WIPF1: variants seen among roughly 807,000 people sequenced by gnomAD.
WIPF1 encodes the protein WAS/WASL-interacting protein family member 1.
In WIPF1, 13 loss-of-function variants were observed where a neutral mutation model predicts 35.4. That is an observed-to-expected ratio of 0.37 (90% CI 0.24 to 0.58). The LOEUF is 0.58. WIPF1 is among the 20% of genes least tolerant of loss of function. The probability of loss-of-function intolerance (pLI) is 0.74; values close to 1 mark genes in which losing one functional copy is unlikely to be tolerated. For missense variants in WIPF1, 591 were observed against 667.0 expected (o/e 0.89, Z 1.25); for synonymous variants, 267 against 266.3 (o/e 1.00, Z -0.02).
chr2:174,573,959 G>A (rs906475068), intron 4 of WIPF1, among the ~76,000 whole-genome samples: 5 of 149,786 alleles, frequency 3.3e-5, no homozygotes, highest in Non-Finnish European at 7.4e-5. Flanking sequence ...GTGCAATCAC[G>A]GCTCATTGCA....
chr2:174,568,847 T>G (rs1249404898), intron 5 of WIPF1: 1 of 152,128 alleles, frequency 6.6e-6, no homozygotes, highest in Non-Finnish European at 1.5e-5. Context: ...AAATAAAAAA[T>G]ACTATGTAAG....
rs940368701 is a variant in WIPF1 at position 174,647,209 on chromosome 2, A to G, written c.-39+35565T>C. On this transcript the variant is annotated intron_variant, in intron 1 of 8. Coordinates refer to the WIPF1 transcript ENST00000272746. ...CAGCAGAGCGACATCCTGTCTCCAA[A>G]ACATTTTTTTTTTTTTTAATTAGCC... Among the ~76,000 whole-genome samples the G allele has an allele frequency of 2.6e-5, 4 of 151,968 alleles. No individual in the cohort carries two copies. In the South Asian group the frequency reaches 8.3e-4, roughly 32 times the overall value.
chr2:174,682,743 C>T (rs1425035268), intron 1 of WIPF1: 1 of 151,688 alleles, frequency 6.6e-6, no homozygotes, highest in Non-Finnish European at 1.5e-5. Context: ...GCCCGGAACC[C>T]GGGTCGCGCC....
chr2:174,666,009 AGTGGCTCATGCCTGTAAT>A (rs1329117910), intron 1 of WIPF1, among the ~76,000 whole-genome samples: 1 of 152,222 alleles, frequency 6.6e-6, no homozygotes, highest in Non-Finnish European at 1.5e-5. Flanking sequence ...GGCCAGGTGC[AGTGGCTCATGCCTGTAAT>A]CCTAGCACTT....
At chr2:174,662,060 T>C (rs1324181054) in intron 1 of WIPF1, among the ~76,000 whole-genome samples, 1 of 152,286 alleles carries the variant, frequency 6.6e-6, no homozygotes, top group South Asian at 2.1e-4. Context: ...TCCATACATA[T>C]GTGGGGTTGG....
chr2:174,616,381 G>A (rs1432170367), intron 1 of WIPF1, among the ~76,000 whole-genome samples: 3 of 152,158 alleles, frequency 2.0e-5, no homozygotes, highest in Non-Finnish European at 4.4e-5. Context: ...TCACGAGACA[G>A]GGAGGCCTCG....
At chr2:174,577,621 T>G (rs1250691504) in intron 3 of WIPF1, among the ~76,000 whole-genome samples, 1 of 152,162 alleles carries the variant, frequency 6.6e-6, no homozygotes, top group Non-Finnish European at 1.5e-5. Context: ...ATGGATAGAC[T>G]TTCTAACATT....
chr2:174,568,604 T>C (rs1684739987), intron 5 of WIPF1: 1 of 152,842 alleles, frequency 6.5e-6, no homozygotes, highest in Non-Finnish European at 1.5e-5. Context: ...GGAAACCAAA[T>C]ACCAGTCATC....
At chr2:174,678,582 A>C (rs1559180783) in intron 1 of WIPF1, among the ~76,000 whole-genome samples, 1 of 152,342 alleles carries the variant, frequency 6.6e-6, no homozygotes. Flanking sequence ...CCTGGGGCCA[A>C]GTGTTATTGG....
At chr2:174,565,208 T>C (rs1450147323) in intron 7 of WIPF1, among the ~76,000 whole-genome samples, 1 of 152,180 alleles carries the variant, frequency 6.6e-6, no homozygotes, top group Non-Finnish European at 1.5e-5. Flanking sequence ...ACTAAAAATT[T>C]CAATCATCAA....
intron 1 of WIPF1, among the ~76,000 whole-genome samples, chr2:174,627,972 G>C (rs181775171): frequency 6.6e-6 from 1 of 152,134 alleles, no homozygotes; most frequent in African/African-American, 2.4e-5. Context: ...AGAGGCTGCT[G>C]TTTACCCTGA....
chr2:174,641,656 T>C (rs1687296059), intron 1 of WIPF1, among the ~76,000 whole-genome samples: 1 of 152,190 alleles, frequency 6.6e-6, no homozygotes, highest in Admixed American at 6.5e-5. Context: ...TTGGCTACTC[T>C]AAATACTATT....
At position 174,571,375 on chromosome 2, in the gene WIPF1, A is replaced by AT. The variant is rs1299263868; in HGVS notation, c.1129+300_1129+301insA. ...AGGGAGGCAGGGTAGTGGACTGGCA[A>AT]GTACACTTCAGAGATGGAAGATGAA... On this transcript the variant is annotated intron_variant, in intron 5 of 7. Coordinates refer to ENST00000679041, the MANE Select transcript of WIPF1 (RefSeq NM_001375834.1). The surrounding 1 kb of genome is among the most constrained non-coding windows in gnomAD (Gnocchi z 4.6). 5.1e-6 allele frequency: 3 copies of AT among 593,610 alleles called. No individual in the cohort carries two copies. The highest frequency in any genetic ancestry group is 1.9e-5 in the African/African-American group (1 of 53,592). 36.8% of individuals were successfully genotyped at this position (593,610 alleles called of 1,614,324 possible).
chr2:174,595,314 A>G (rs1685785907), intron 1 of WIPF1, among the ~76,000 whole-genome samples: 1 of 146,936 alleles, frequency 6.8e-6, no homozygotes. Context: ...AAAAAAACAG[A>G]AAAGAAAAAG....
intron 1 of WIPF1, among the ~76,000 whole-genome samples, chr2:174,637,526 G>A (rs1213090105): frequency 1.3e-5 from 2 of 152,178 alleles, no homozygotes; most frequent in South Asian, 2.1e-4. Context: ...AGTGGCTCAC[G>A]CCTGTAATCC....
intron 1 of WIPF1, among the ~76,000 whole-genome samples, chr2:174,604,833 T>C (rs1453717596): frequency 6.6e-6 from 1 of 152,196 alleles, no homozygotes; most frequent in Non-Finnish European, 1.5e-5. Context: ...GACTGTGTCT[T>C]TTGGGATTAT....
chr2:174,582,862 A>G (rs1206848438), intron 2 of WIPF1, among the ~76,000 whole-genome samples: 1 of 152,262 alleles, frequency 6.6e-6, no homozygotes, highest in African/African-American at 2.4e-5. Context: ...GCTTATGATA[A>G]TAATAGTTAA....
intron 1 of WIPF1, among the ~76,000 whole-genome samples, chr2:174,639,978 AAG>A (rs1687263378): frequency 6.6e-6 from 1 of 152,166 alleles, no homozygotes; most frequent in African/African-American, 2.4e-5. Context: ...CAAATTGGAA[AAG>A]AGAAAATCAT....
At chr2:174,599,443 A>G (rs1013351161), upstream of WIPF1, among the ~76,000 whole-genome samples, 1 of 152,168 alleles carries the variant, frequency 6.6e-6, no homozygotes, top group Non-Finnish European at 1.5e-5. Flanking sequence ...CCCAAGAATA[A>G]GTGACTGAGA....
Sources: allele counts gnomAD v4.1 joint callset (sites outside exome capture counted in the v4.1 genomes callset), GRCh38; gene constraint gnomAD v4.1.1; non-coding constraint Gnocchi (gnomAD v3.1); transcripts MANE v1.5; gene names NCBI Gene and HGNC (gene_info 2026-07-23, HGNC 2026-07-21).